RBFOX1: variants seen among roughly 807,000 people sequenced by gnomAD.
RBFOX1 encodes the protein RNA binding fox-1 homolog 1.
Under a neutral mutation model 57.7 loss-of-function variants are expected in RBFOX1, and 8 were observed. The ratio of observed to expected loss-of-function variants is 0.14; its 90% CI spans 0.08 to 0.25. The LOEUF (loss-of-function observed/expected upper bound fraction) is 0.25, where lower values mean the gene tolerates loss of function less well. Ranked by LOEUF, RBFOX1 falls within the 10% of genes least tolerant of loss-of-function variation. The probability of loss-of-function intolerance (pLI) is 1.00; values close to 1 mark genes in which losing one functional copy is unlikely to be tolerated. For missense variants in RBFOX1, 611 were observed against 548.5 expected, an observed-to-expected ratio of 1.11 and a Z score of -1.14; for synonymous variants, 326 against 222.4, an observed-to-expected ratio of 1.47 and a Z score of -4.15.
At chr16:6,672,343 G>A (rs2080305414) in intron 3 of RBFOX1, among the ~76,000 whole-genome samples, 1 of 151,696 alleles carries the variant, frequency 6.6e-6, no homozygotes, top group Non-Finnish European at 1.5e-5. Context: ...GGGTGGCAGG[G>A]AGGGAGGAGA....
rs186326665 is a variant in RBFOX1 at position 7,670,723 on chromosome 16, A to G, written c.930+5755A>G. Among the ~76,000 whole-genome samples the G allele has an allele frequency of 2.0e-5, 3 of 152,306 alleles. No individual in the cohort carries two copies. In the East Asian group the frequency reaches 5.8e-4, roughly 29 times the overall value. On this transcript the variant is annotated intron_variant, in intron 13 of 15. Transcript: ENST00000550418. The stretch of plus-strand genomic sequence containing the variant: ...GGCTATGTAGGAAAAAGTATACACA[A>G]GCCTTTATAGGGTACGTCCCTCAGT...
intron 4 of RBFOX1, among the ~76,000 whole-genome samples, chr16:5,936,133 T>G (rs968587443): frequency 5.3e-5 from 8 of 151,952 alleles, no homozygotes; most frequent in South Asian, 4.1e-4. Flanking sequence ...TGGTGGTGGT[T>G]GTTGTTTTGA....
At chr16:7,127,273 T>G (rs1371821461) in intron 4 of RBFOX1, among the ~76,000 whole-genome samples, 1 of 152,184 alleles carries the variant, frequency 6.6e-6, no homozygotes, top group Non-Finnish European at 1.5e-5. Flanking sequence ...CAGCAATATG[T>G]AATATTATCC....
chr16:6,383,751 C>T (rs2092024117), intron 2 of RBFOX1, among the ~76,000 whole-genome samples: 1 of 151,184 alleles, frequency 6.6e-6, no homozygotes, highest in Non-Finnish European at 1.5e-5. Flanking sequence ...GCCTGGGCGA[C>T]AGTGCGAGAA....
At chr16:6,315,323 T>C (rs1443274177) in intron 1 of RBFOX1, among the ~76,000 whole-genome samples, 1 of 150,690 alleles carries the variant, frequency 6.6e-6, no homozygotes, top group Non-Finnish European at 1.5e-5. Context: ...GATGGATAGA[T>C]AGATGGGTGG....
chr16:6,679,334 C>T (rs924177809), intron 3 of RBFOX1, among the ~76,000 whole-genome samples: 2 of 151,956 alleles, frequency 1.3e-5, no homozygotes, highest in East Asian at 3.9e-4. Flanking sequence ...CAATGACGAG[C>T]TTGATATGTG....
At chr16:6,388,452 G>A (rs1338400183) in intron 2 of RBFOX1, among the ~76,000 whole-genome samples, 1 of 151,844 alleles carries the variant, frequency 6.6e-6, no homozygotes, top group Non-Finnish European at 1.5e-5. Flanking sequence ...TTTAAAACAT[G>A]TGTTTGTTTT....
At chr16:6,414,900 T>A (rs1382097949) in intron 2 of RBFOX1, among the ~76,000 whole-genome samples, 1 of 151,990 alleles carries the variant, frequency 6.6e-6, no homozygotes, top group Non-Finnish European at 1.5e-5. Context: ...CTGCAAGGCA[T>A]GGGGTAGGAT....
At chr16:7,612,296 G>C (rs2057644982) in intron 10 of RBFOX1, among the ~76,000 whole-genome samples, 1 of 136,358 alleles carries the variant, frequency 7.3e-6, no homozygotes, top group East Asian at 2.2e-4. Context: ...ACTCCAGCCT[G>C]GGTAACAGAG....
intron 2 of RBFOX1, among the ~76,000 whole-genome samples, chr16:6,480,732 C>G (rs2153096203): frequency 6.6e-6 from 1 of 152,204 alleles, no homozygotes; most frequent in South Asian, 2.1e-4. Context: ...TCATTTAAAA[C>G]TTGTATTTTT....
chr16:7,452,634 G>C (rs2057593992), intron 4 of RBFOX1, among the ~76,000 whole-genome samples: 1 of 152,106 alleles, frequency 6.6e-6, no homozygotes, highest in South Asian at 2.1e-4. Context: ...TGGTGCCAAG[G>C]ATCTAAAAAA....
At chr16:6,622,650 A>G (rs1204491595) in intron 2 of RBFOX1, among the ~76,000 whole-genome samples, 1 of 152,238 alleles carries the variant, frequency 6.6e-6, no homozygotes, top group Non-Finnish European at 1.5e-5. Context: ...ATATATGAAT[A>G]CAAAACAATT....
At chr16:5,722,479 G>T (rs4786770) in intron 3 of RBFOX1, among the ~76,000 whole-genome samples, 139,772 of 152,258 alleles carry the variant, frequency 0.92, 64,427 homozygotes, top group East Asian at 1. Flanking sequence ...ATTAGACTCA[G>T]CGCGATCATC....
intron 3 of RBFOX1, among the ~76,000 whole-genome samples, chr16:6,809,341 T>C (rs946586647): frequency 6.6e-6 from 1 of 152,226 alleles, no homozygotes; most frequent in African/African-American, 2.4e-5. Context: ...TAAACTAATG[T>C]AGATTGCCTC....
At chr16:6,811,494 G>A (rs2088568651) in intron 3 of RBFOX1, among the ~76,000 whole-genome samples, 1 of 152,166 alleles carries the variant, frequency 6.6e-6, no homozygotes, top group Non-Finnish European at 1.5e-5. Flanking sequence ...AGTCAGGGAT[G>A]TTTAAGTGAT....
chr16:6,910,254 G>C (rs771081920), intron 3 of RBFOX1, among the ~76,000 whole-genome samples: 1 of 152,090 alleles, frequency 6.6e-6, no homozygotes, highest in African/African-American at 2.4e-5. Context: ...TTGCAGTTCA[G>C]GCATTTTCTC....
At chr16:5,357,745 TGTTA>T (rs2065432228) in intron 1 of RBFOX1, among the ~76,000 whole-genome samples, 1 of 152,244 alleles carries the variant, frequency 6.6e-6, no homozygotes, top group African/African-American at 2.4e-5. Flanking sequence ...ACAACTGTTC[TGTTA>T]GTCAGAATCT....
intron 2 of RBFOX1, among the ~76,000 whole-genome samples, chr16:5,470,565 A>G (rs987012387): frequency 6.6e-6 from 1 of 152,124 alleles, no homozygotes; most frequent in Non-Finnish European, 1.5e-5. Flanking sequence ...ACAGAATAAT[A>G]ACAATTCAGT....
intron 3 of RBFOX1, among the ~76,000 whole-genome samples, chr16:6,999,126 C>T (rs2092535054): frequency 6.6e-6 from 1 of 151,488 alleles, no homozygotes; most frequent in Admixed American, 6.6e-5. Flanking sequence ...GCCTCTGCCT[C>T]CCAAAGTACA....
Sources: allele counts gnomAD v4.1 joint callset (sites outside exome capture counted in the v4.1 genomes callset), GRCh38; gene constraint gnomAD v4.1.1; transcripts MANE v1.5; gene names NCBI Gene and HGNC (gene_info 2026-07-23, HGNC 2026-07-21).